Variants in GALK1 observed in about 807,000 individuals in gnomAD.
GALK1 encodes galactokinase.
In GALK1, 30 loss-of-function variants were observed where a neutral mutation model predicts 38.6. The observed-to-expected ratio is 0.78, with a 90% CI of 0.58 to 1.05. GALK1 has a LOEUF of 1.05. GALK1 is among the 50% of genes least tolerant of loss of function. GALK1 has a pLI of 0.00. For synonymous variants in GALK1, 240 were observed against 233.6 expected, an observed-to-expected ratio of 1.03 and a Z score of -0.25; for missense variants, 512 against 540.5, an observed-to-expected ratio of 0.95 and a Z score of 0.52.
At chr17:75,760,970 G>A (rs1384004091) in intron 5 of GALK1, among the ~76,000 whole-genome samples, 1 of 152,188 alleles carries the variant, frequency 6.6e-6, no homozygotes, top group African/African-American at 2.4e-5. Context: ...TTGGGAGGCT[G>A]AGGTGGGCAG....
At chr17:75,763,731 G>T in intron 2 of GALK1, 166 bp downstream of exon 2, 1 of 813,442 alleles carries the variant, frequency 1.2e-6, no homozygotes. Flanking sequence ...GGAAACCCAG[G>T]GCAAGTTCCC....
At chr17:75,756,673 C>T (rs1298040001), downstream of GALK1, 2 of 1,613,244 alleles carry the variant, frequency 1.2e-6, no homozygotes, top group Admixed American at 3.3e-5. Flanking sequence ...CACCCACCCA[C>T]AGGCTGATGC....
chr17:75,757,668 G>A (rs2061553251), downstream of GALK1: 3 of 1,433,216 alleles, frequency 2.1e-6, no homozygotes, highest in Non-Finnish European at 2.9e-6. Flanking sequence ...CCACCCGCAT[G>A]CACAGAGCAG....
rs1303906385 is a variant in GALK1, at chr17:75,764,956, C to T, written c.165+16G>A. On this transcript the variant is annotated intron_variant, in intron 1 of 7. Transcript: ENST00000588479. The stretch of plus-strand genomic sequence containing the variant: ...CAGGCGGCGGCGGGCTAGGGGCTCC[C>T]CGTGCAGCCCCTCACCATAGGCAGC... 1 of 1,602,652 alleles carries T rather than the reference C, an allele frequency of 6.2e-7. No homozygotes were observed. Among genetic ancestry groups the T allele is most frequent in the East Asian group, 2.3e-5 (1 of 44,344 alleles).
downstream of GALK1, chr17:75,756,924 A>C: frequency 6.2e-7 from 1 of 1,612,294 alleles, no homozygotes; most frequent in South Asian, 1.1e-5. Context: ...CAGACGCTGA[A>C]GGCATCTTCC....
chr17:75,764,805 G>T, intron 1 of GALK1, 167 bp downstream of exon 1: 1 of 742,654 alleles, frequency 1.3e-6, no homozygotes, highest in Non-Finnish European at 2.2e-6. Context: ...TTCCAACGTG[G>T]GGAACAGCCT....
intron 5 of GALK1, 128 bp from the exon 6 acceptor site, chr17:75,758,727 G>T: frequency 9.0e-7 from 1 of 1,105,360 alleles, no homozygotes; most frequent in Non-Finnish European, 1.3e-6. Flanking sequence ...GCGGGGGCAG[G>T]GCAGCCTGGC....
At chr17:75,754,812 C>T, downstream of GALK1, 1 of 1,614,062 alleles carries the variant, frequency 6.2e-7, no homozygotes, top group Non-Finnish European at 8.5e-7. Flanking sequence ...CGTCTCCTCC[C>T]ACGGTGAGTG....
In GALK1 at chr17:75,763,166, G is replaced by A. The variant is rs772623590; in HGVS notation, c.476-17C>T. ...TGCCCGAGTCTGCAGTACAGGGTGA[G>A]GTGGGGAGGCTAGGGCTGGTGGAAG... On this transcript the variant is annotated splice_polypyrimidine_tract_variant and intron_variant, in intron 3 of 7. Transcript: ENST00000588479. 14 of 1,611,018 alleles carry A rather than the reference G, an allele frequency of 8.7e-6. No individual in the cohort carries two copies. Among genetic ancestry groups the A allele is most frequent in the African/African-American group, 1.3e-5 (1 of 74,926 alleles).
In GALK1 at chr17:75,758,021, C is replaced by A; in HGVS notation, c.*35G>T. Reference sequence around the variant, plus strand: ...AGAGCCGTGGGACTGGCCTGCAGGCCCCGCACCCTCACCGTGTGCTGTCCT... The same window carrying A: ...AGAGCCGTGGGACTGGCCTGCAGGCACCGCACCCTCACCGTGTGCTGTCCT... On this transcript the variant is annotated 3_prime_UTR_variant, in exon 8 of 8. Coordinates refer to ENST00000588479, the MANE Select transcript of GALK1 (RefSeq NM_000154.2). The A allele has an allele frequency of 6.2e-7, 1 of 1,609,868 alleles. No homozygotes were observed.
downstream of GALK1, chr17:75,756,387 A>G (rs1168731260): frequency 3.1e-6 from 5 of 1,603,706 alleles, no homozygotes; most frequent in Non-Finnish European, 3.4e-6. Context: ...CAGGGGTGGG[A>G]GTAACACTGC....
chr17:75,762,632 G>A, intron 5 of GALK1, 72 bp downstream of exon 5: 2 of 1,541,610 alleles, frequency 1.3e-6, no homozygotes, highest in East Asian at 2.2e-5. Context: ...TCCCAGGCAG[G>A]GTCAAGGCCA....
downstream of GALK1, chr17:75,757,384 A>G: frequency 1.9e-6 from 3 of 1,612,996 alleles, no homozygotes; most frequent in Non-Finnish European, 2.5e-6. Context: ...GCAGACCCCA[A>G]GCCAGGTCAT....
chr17:75,752,949 C>T (rs1246118304), downstream of GALK1, among the ~76,000 whole-genome samples: 1 of 152,178 alleles, frequency 6.6e-6, no homozygotes, highest in Non-Finnish European at 1.5e-5. Flanking sequence ...GTAGGGGAGC[C>T]AAGGAGACAA....
chr17:75,757,340 T>C (rs2061541144), downstream of GALK1: 1 of 1,611,682 alleles, frequency 6.2e-7, no homozygotes, highest in Non-Finnish European at 8.5e-7. Context: ...GGATCCCGGC[T>C]CTCCTGGGAC....
chr17:75,757,503 C>T (rs148061895), downstream of GALK1: 6 of 1,613,156 alleles, frequency 3.7e-6, no homozygotes, highest in African/African-American at 8.0e-5. Flanking sequence ...CGGACACTGA[C>T]CACCAGCGGA....
intron 5 of GALK1, among the ~76,000 whole-genome samples, chr17:75,759,596 G>C (rs888828714): frequency 2.6e-5 from 4 of 152,078 alleles, no homozygotes; most frequent in African/African-American, 7.2e-5. Context: ...CTCTGGAGGA[G>C]GCAGGGTGAG....
At chr17:75,757,246 G>T (rs754204121), downstream of GALK1, 8 of 1,611,600 alleles carry the variant, frequency 5.0e-6, no homozygotes, top group South Asian at 1.1e-5. Context: ...TCCAGCACCC[G>T]CTGCAAAGCG....
At chr17:75,753,998 C>T, downstream of GALK1, 7 of 1,031,042 alleles carry the variant, frequency 6.8e-6, no homozygotes, top group Non-Finnish European at 7.5e-6. Flanking sequence ...CCGCCGCCCC[C>T]CGATCCGCGC....
Sources: allele counts gnomAD v4.1 joint callset (sites outside exome capture counted in the v4.1 genomes callset), GRCh38; gene constraint gnomAD v4.1.1; transcripts MANE v1.5; gene names NCBI Gene and HGNC (gene_info 2026-07-23, HGNC 2026-07-21).